Variants in SBF2 observed in about 807,000 individuals in gnomAD.
SBF2 encodes the protein SET binding factor 2, also known as myotubularin-related protein 13.
In SBF2, 112 loss-of-function variants were observed where a neutral mutation model predicts 225.2. The ratio of observed to expected loss-of-function variants is 0.50; its 90% CI spans 0.43 to 0.58. The LOEUF (loss-of-function observed/expected upper bound fraction) is 0.58. Among genes scored for constraint, SBF2 ranks in the 20% least tolerant of loss-of-function variants. The probability of loss-of-function intolerance (pLI) is 0.00; values close to 1 mark genes in which losing one functional copy is unlikely to be tolerated. For missense variants in SBF2, 1,996 were observed against 2,206.2 expected (o/e 0.90, Z 1.91); for synonymous variants, 763 against 773.3 (o/e 0.99, Z 0.22).
chr11:9,840,266 A>C (rs7116821), intron 25 of SBF2, among the ~76,000 whole-genome samples: 3,507 of 151,926 alleles, frequency 0.023, 154 homozygotes, highest in African/African-American at 0.079. Context: ...AAAAAAAAAA[A>C]ACAAACCCGC....
upstream of SBF2, among the ~76,000 whole-genome samples, chr11:10,294,785 G>A (rs1409794605): frequency 1.3e-5 from 2 of 152,236 alleles, no homozygotes; most frequent in East Asian, 3.8e-4. Context: ...GCTTCCCCCG[G>A]AGCGCCCGGG....
chr11:9,932,969 A>C (rs1363756929), intron 16 of SBF2, among the ~76,000 whole-genome samples: 4 of 148,766 alleles, frequency 2.7e-5, no homozygotes, highest in East Asian at 2.0e-4. Context: ...AAAAAAAAAA[A>C]AAAAAAAAAA....
intron 2 of SBF2, among the ~76,000 whole-genome samples, chr11:10,174,509 T>C (rs1402982525): frequency 1.3e-5 from 2 of 152,116 alleles, no homozygotes; most frequent in Admixed American, 6.5e-5. Context: ...TATGGGACTA[T>C]GGGAAAAGAC....
chr11:10,166,521 A>G (rs1348083190), intron 2 of SBF2, among the ~76,000 whole-genome samples: 1 of 152,070 alleles, frequency 6.6e-6, no homozygotes, highest in African/African-American at 2.4e-5. Flanking sequence ...TCTTGTTTAT[A>G]TACTTCTATA....
intron 14 of SBF2, among the ~76,000 whole-genome samples, chr11:9,967,965 C>CTA (rs1554969227): frequency 5.3e-5 from 5 of 94,952 alleles, no homozygotes; most frequent in African/African-American, 1.6e-4. Flanking sequence ...CTCTCTCTCT[C>CTA]TCTCTCTATA....
At chr11:10,049,075 T>C (rs573760264) in intron 2 of SBF2, among the ~76,000 whole-genome samples, 1 of 152,326 alleles carries the variant, frequency 6.6e-6, no homozygotes, top group South Asian at 2.1e-4. Flanking sequence ...ATTTTCTTCA[T>C]ATACTTCAAC....
At chr11:9,992,931 T>A in intron 11 of SBF2, 59 bp downstream of exon 11, 1 of 1,229,022 alleles carries the variant, frequency 8.1e-7, no homozygotes, top group Non-Finnish European at 1.2e-6. Context: ...AAAAACCAAG[T>A]AGTTTTATTA....
chr11:10,266,459 T>G (rs1035065153), intron 1 of SBF2, among the ~76,000 whole-genome samples: 2 of 152,220 alleles, frequency 1.3e-5, no homozygotes, highest in Non-Finnish European at 2.9e-5. Flanking sequence ...GCAGATTTCC[T>G]CTGCTACTGA....
intron 28 of SBF2, chr11:9,828,483 T>C (rs893321993): frequency 8.1e-6 from 8 of 985,352 alleles, no homozygotes; most frequent in Non-Finnish European, 9.6e-6. Flanking sequence ...CATGGTGTTA[T>C]TTTACAAGAA....
chr11:10,087,988 T>C (rs974983131), intron 2 of SBF2, among the ~76,000 whole-genome samples: 2 of 152,164 alleles, frequency 1.3e-5, no homozygotes, highest in African/African-American at 2.4e-5. Flanking sequence ...TCGTTGTAAT[T>C]TGAAGTGTCA....
At chr11:9,936,421 A>G (rs2134277726) in intron 16 of SBF2, among the ~76,000 whole-genome samples, 1 of 152,336 alleles carries the variant, frequency 6.6e-6, no homozygotes, top group South Asian at 2.1e-4. Context: ...TAGAACTGGA[A>G]ATAGCATTTC....
chr11:9,927,217 A>C (rs1864123434), intron 16 of SBF2, among the ~76,000 whole-genome samples: 1 of 152,242 alleles, frequency 6.6e-6, no homozygotes, highest in Non-Finnish European at 1.5e-5. Context: ...AATACATTAC[A>C]TCTACAAAAT....
chr11:10,171,444 GGT>G (rs1440592802), intron 2 of SBF2, among the ~76,000 whole-genome samples: 1 of 152,130 alleles, frequency 6.6e-6, no homozygotes, highest in Non-Finnish European at 1.5e-5. Context: ...CACGTTGATT[GGT>G]GTGTGTGTCT....
chr11:10,287,849 C>CT (rs1441973955), intron 1 of SBF2, among the ~76,000 whole-genome samples: 1 of 152,220 alleles, frequency 6.6e-6, no homozygotes, highest in Non-Finnish European at 1.5e-5. Flanking sequence ...GATCCCATGC[C>CT]TCCAAGAAAG....
At chr11:10,258,397 T>C (rs1275151622) in intron 1 of SBF2, among the ~76,000 whole-genome samples, 2 of 152,202 alleles carry the variant, frequency 1.3e-5, no homozygotes, top group African/African-American at 2.4e-5. Flanking sequence ...GCATAAGCCA[T>C]TGTGCCCAGC....
intron 23 of SBF2, 126 bp downstream of exon 23, chr11:9,846,830 G>A: frequency 9.3e-7 from 1 of 1,078,408 alleles, no homozygotes; most frequent in Non-Finnish European, 1.4e-6. Context: ...TACCCTCTCA[G>A]ACCCTATGAT....
chr11:9,876,927 C>G lies in SBF2; in HGVS notation c.1930-18531G>C, dbSNP rs548266200. Among the ~76,000 whole-genome samples, 5 of 152,248 alleles carry G rather than the reference C, an allele frequency of 3.3e-5. No individual in the cohort carries two copies. In the East Asian group the frequency reaches 9.7e-4, roughly 29 times the overall value. On this transcript the variant is annotated intron_variant, in intron 17 of 39. Coordinates refer to ENST00000256190, the MANE Select transcript of SBF2 (RefSeq NM_030962.4). ...CTAAATTTTGTATTTTTAGTAAAGA[C>G]AGGGTTTCACCATGTTGGCCAGGCT...
chr11:10,002,796 C>T, intron 6 of SBF2, 107 bp from the exon 7 acceptor site: 2 of 1,028,202 alleles, frequency 1.9e-6, no homozygotes, highest in Non-Finnish European at 3.0e-6. Flanking sequence ...TTTGGACTCT[C>T]TGAAGGAAAA....
chr11:10,232,243 C>A (rs1414882774), intron 1 of SBF2, among the ~76,000 whole-genome samples: 1 of 152,240 alleles, frequency 6.6e-6, no homozygotes, highest in Admixed American at 6.5e-5. Flanking sequence ...ATTCCCGACC[C>A]CTTGTACTTC....
Sources: gnomAD v4.1 joint callset for allele counts (sites outside exome capture counted in the v4.1 genomes callset) on GRCh38, gnomAD v4.1.1 for gene constraint, MANE v1.5 for transcripts, NCBI Gene and HGNC (gene_info 2026-07-23, HGNC 2026-07-21) for gene names.